The following CLVS1 variants were observed in gnomAD, a reference collection of about 807,000 sequenced individuals.
The protein encoded by CLVS1 is clavesin 1.
CLVS1 carries 10 observed loss-of-function variants against 33.1 expected under a neutral mutation model. The ratio of observed to expected loss-of-function variants is 0.30; its 90% CI spans 0.19 to 0.51. The LOEUF (loss-of-function observed/expected upper bound fraction) is 0.51. Ranked by LOEUF, CLVS1 falls within the 20% of genes least tolerant of loss-of-function variation. The pLI, the probability that CLVS1 is intolerant of heterozygous loss-of-function variation, is 0.97. For missense variants in CLVS1, 343 were observed against 433.4 expected (o/e 0.79, Z 1.85); for synonymous variants, 163 against 166.1 (o/e 0.98, Z 0.14).
chr8:61,254,749 G>C (rs1248282749), intron 2 of CLVS1, among the ~76,000 whole-genome samples: 1 of 152,184 alleles, frequency 6.6e-6, no homozygotes, highest in Non-Finnish European at 1.5e-5. Flanking sequence ...CTGGTGTGCT[G>C]CTTGCTAAGA....
chr8:61,028,679 C>G, the CLVS1 span, among the ~76,000 whole-genome samples: 1 of 152,116 alleles, frequency 6.6e-6, no homozygotes, highest in Non-Finnish European at 1.5e-5. Context: ...TCACTGGGCC[C>G]TTCTATGGGG....
chr8:61,178,528 G>T (rs556079394), intron 2 of CLVS1, among the ~76,000 whole-genome samples: 1 of 152,098 alleles, frequency 6.6e-6, no homozygotes, highest in South Asian at 2.1e-4. Flanking sequence ...GAAGATCCAC[G>T]CCAAGACACA....
intron 3 of CLVS1, among the ~76,000 whole-genome samples, chr8:61,400,202 G>T (rs559431481): frequency 6.6e-6 from 1 of 152,238 alleles, no homozygotes; most frequent in African/African-American, 2.4e-5. Flanking sequence ...AGTAAACTCA[G>T]ATTTCTTTGA....
At position 61,116,511 on chromosome 8, in the gene CLVS1, A is replaced by G. The variant is rs551996421; in HGVS notation, c.-242-15259A>G. Among the ~76,000 whole-genome samples the G allele has an allele frequency of 4.4e-3, 665 of 152,290 alleles. 4 individuals carry two copies. Among genetic ancestry groups the G allele is most frequent in the Middle Eastern group, 6.8e-3 (2 of 294 alleles). On this transcript the variant is annotated intron_variant, in intron 1 of 2. Coordinates refer to the CLVS1 transcript ENST00000522621. ...GGGTTTTTATGGTTTTAGGTCTAAC[A>G]TTTAAGTCTTTAATCCATCTTGAAT...
the CLVS1 span, among the ~76,000 whole-genome samples, chr8:60,998,923 A>G: frequency 1.3e-5 from 2 of 152,104 alleles, no homozygotes; most frequent in Non-Finnish European, 2.9e-5. Flanking sequence ...GGAGTGCTAC[A>G]AAACACATTG....
At chr8:61,278,165 G>A (rs560017559) in intron 2 of CLVS1, among the ~76,000 whole-genome samples, 27 of 152,226 alleles carry the variant, frequency 1.8e-4, no homozygotes, top group African/African-American at 6.5e-4. Flanking sequence ...CTTTTTAATT[G>A]TCTTCAGCTC....
At chr8:61,326,483 G>T (rs1811390059) in intron 2 of CLVS1, among the ~76,000 whole-genome samples, 1 of 152,118 alleles carries the variant, frequency 6.6e-6, no homozygotes, top group African/African-American at 2.4e-5. Context: ...AAAGTTGTGA[G>T]GTCTCTTGAA....
chr8:61,477,381 C>T (rs1486983347), intron 5 of CLVS1, among the ~76,000 whole-genome samples: 1 of 152,194 alleles, frequency 6.6e-6, no homozygotes, highest in African/African-American at 2.4e-5. Context: ...ATGGTACCAG[C>T]TCCTCCTTGT....
At chr8:61,340,995 C>T (rs1812010007) in intron 2 of CLVS1, among the ~76,000 whole-genome samples, 1 of 152,152 alleles carries the variant, frequency 6.6e-6, no homozygotes, top group African/African-American at 2.4e-5. Flanking sequence ...TTTTATAACT[C>T]AGTAGCCATG....
intron 2 of CLVS1, among the ~76,000 whole-genome samples, chr8:61,200,959 G>A (rs1357175010): frequency 1.3e-5 from 2 of 152,118 alleles, no homozygotes; most frequent in Non-Finnish European, 2.9e-5. Flanking sequence ...GTTGGAAAAT[G>A]TTTTCAAGAT....
At chr8:61,223,208 G>GT (rs1808257381) in intron 2 of CLVS1, among the ~76,000 whole-genome samples, 2 of 152,088 alleles carry the variant, frequency 1.3e-5, no homozygotes, top group African/African-American at 4.8e-5. Context: ...GTATGAATTT[G>GT]ATCCTGTCAT....
rs187525943 is a variant in CLVS1 at position 61,229,807 on chromosome 8, T to G, written c.-151-69870T>G. 3.6e-3 allele frequency among the ~76,000 whole-genome samples: 548 copies of G among 152,254 alleles called. 5 individuals carry two copies. Among genetic ancestry groups the G allele is most frequent in the African/African-American group, 0.012 (501 of 41,556 alleles). On this transcript the variant is annotated intron_variant, in intron 2 of 2. Transcript: ENST00000522621. ...CACCATGCCTGGTTAATTTTTGTAT[T>G]TTGGTAGAGAGAAGGTTTCGCCATG...
the CLVS1 span, among the ~76,000 whole-genome samples, chr8:60,987,559 A>G: frequency 6.6e-6 from 1 of 152,186 alleles, no homozygotes; most frequent in African/African-American, 2.4e-5. Flanking sequence ...GGGCCTGCTG[A>G]TTTAAAAAAA....
At chr8:61,018,961 G>A in the CLVS1 span, among the ~76,000 whole-genome samples, 1 of 152,216 alleles carries the variant, frequency 6.6e-6, no homozygotes, top group Non-Finnish European at 1.5e-5. Flanking sequence ...GGCCAACTGA[G>A]CTTTAGTGAC....
chr8:61,317,757 A>G (rs913720921), intron 2 of CLVS1, among the ~76,000 whole-genome samples: 1 of 152,180 alleles, frequency 6.6e-6, no homozygotes, highest in African/African-American at 2.4e-5. Context: ...AAAATGTCCA[A>G]AATCAATTTC....
At chr8:61,076,913 C>T (rs1183273236) in intron 1 of CLVS1, among the ~76,000 whole-genome samples, 1 of 152,196 alleles carries the variant, frequency 6.6e-6, no homozygotes, top group Non-Finnish European at 1.5e-5. Context: ...CTGCAAGTCC[C>T]CGGCTCAGCC....
intron 2 of CLVS1, among the ~76,000 whole-genome samples, chr8:61,193,355 C>T (rs1393493207): frequency 6.6e-6 from 1 of 152,072 alleles, no homozygotes; most frequent in Non-Finnish European, 1.5e-5. Context: ...GAACATCACA[C>T]ACCTGGGCCT....
chr8:61,171,841 A>G (rs745527974), intron 2 of CLVS1, among the ~76,000 whole-genome samples: 8 of 152,322 alleles, frequency 5.3e-5, no homozygotes, highest in Middle Eastern at 3.4e-3. Flanking sequence ...ATACTTTTGT[A>G]AGAAAGAAAT....
intron 3 of CLVS1, among the ~76,000 whole-genome samples, chr8:61,446,891 TC>T (rs1816776945): frequency 6.6e-6 from 1 of 152,028 alleles, no homozygotes; most frequent in Non-Finnish European, 1.5e-5. Flanking sequence ...TTCCAAGTGA[TC>T]AAAGATTTTC....
Sources: gnomAD v4.1 joint callset for allele counts (sites outside exome capture counted in the v4.1 genomes callset) on GRCh38, gnomAD v4.1.1 for gene constraint, MANE v1.5 for transcripts, NCBI Gene and HGNC (gene_info 2026-07-23, HGNC 2026-07-21) for gene names.